The following DOP1B variants were observed in gnomAD, a reference collection of about 807,000 sequenced individuals.
DOP1B encodes DOP1 leucine zipper like protein B.
In DOP1B, 174 loss-of-function variants were observed where a neutral mutation model predicts 233.5. The observed-to-expected ratio is 0.75, with a 90% CI of 0.66 to 0.85. DOP1B has a LOEUF of 0.85. Among genes scored for constraint, DOP1B ranks in the 40% least tolerant of loss-of-function variants. The probability of loss-of-function intolerance (pLI) is 0.00; values close to 1 mark genes in which losing one functional copy is unlikely to be tolerated. For synonymous variants in DOP1B, 1,190 were observed against 1,185.6 expected, an observed-to-expected ratio of 1.00 and a Z score of -0.08; for missense variants, 2,652 against 2,846.6, an observed-to-expected ratio of 0.93 and a Z score of 1.56.
intron 15 of DOP1B, among the ~76,000 whole-genome samples, chr21:36,237,023 G>A (rs530142060): frequency 6.6e-6 from 1 of 152,210 alleles, no homozygotes; most frequent in East Asian, 1.9e-4. Context: ...GACCTCAGGT[G>A]ATCTGCCCCA....
intron 32 of DOP1B, 23 bp downstream of exon 32, chr21:36,281,634 T>A: frequency 2.0e-6 from 3 of 1,537,408 alleles, no homozygotes; most frequent in Non-Finnish European, 2.7e-6. Context: ...TCTTAGTCTG[T>A]TTTTTGCTGC....
intron 12 of DOP1B, among the ~76,000 whole-genome samples, 182 bp from the exon 13 acceptor site, chr21:36,227,504 G>A (rs551610539): frequency 0.019 from 2,787 of 149,442 alleles, 81 homozygotes; most frequent in African/African-American, 0.062. Context: ...CCGAGATCGC[G>A]ACACTGCACT....
At chr21:36,256,409 C>T (rs1374580517) in intron 23 of DOP1B, among the ~76,000 whole-genome samples, 1 of 152,182 alleles carries the variant, frequency 6.6e-6, no homozygotes, top group African/African-American at 2.4e-5. Flanking sequence ...CCACTGCACT[C>T]CAGCCTGGGT....
At chr21:36,168,786 A>G (rs374767943) in intron 2 of DOP1B, among the ~76,000 whole-genome samples, 16 of 151,102 alleles carry the variant, frequency 1.1e-4, no homozygotes, top group African/African-American at 2.4e-4. Flanking sequence ...GCCCGCCTCA[A>G]CCTCCCAAAG....
chr21:36,262,868 G>A (rs543101702), intron 24 of DOP1B, among the ~76,000 whole-genome samples: 1 of 151,754 alleles, frequency 6.6e-6, no homozygotes, highest in Non-Finnish European at 1.5e-5. Flanking sequence ...TCCAGCCTGG[G>A]TGACAGAGCA....
intron 21 of DOP1B, among the ~76,000 whole-genome samples, chr21:36,248,814 T>C (rs1041264141): frequency 5.3e-5 from 8 of 152,266 alleles, no homozygotes; most frequent in Non-Finnish European, 8.8e-5. Context: ...TAGTTAAAAA[T>C]AAAGTCTTGG....
At chr21:36,266,229 T>C (rs150066807) in intron 26 of DOP1B, among the ~76,000 whole-genome samples, 1 of 152,116 alleles carries the variant, frequency 6.6e-6, no homozygotes, top group Non-Finnish European at 1.5e-5. Flanking sequence ...CAAGCTGGAG[T>C]GCAATGGCAC....
intron 23 of DOP1B, among the ~76,000 whole-genome samples, chr21:36,256,487 T>C (rs1370352726): frequency 1.3e-5 from 2 of 152,128 alleles, no homozygotes; most frequent in Non-Finnish European, 2.9e-5. Flanking sequence ...TTAAAAAATA[T>C]AGCTATACTT....
chr21:36,250,469 G>A (rs1166845256), intron 21 of DOP1B, among the ~76,000 whole-genome samples: 5 of 152,130 alleles, frequency 3.3e-5, no homozygotes, highest in Non-Finnish European at 5.9e-5. Flanking sequence ...CAGGAGGCCT[G>A]GCCTGACCTG....
chr21:36,257,215 G>A (rs2067108900), intron 23 of DOP1B, among the ~76,000 whole-genome samples: 1 of 152,160 alleles, frequency 6.6e-6, no homozygotes, highest in African/African-American at 2.4e-5. Context: ...GCCCTCCGTG[G>A]GCACAGAACC....
intron 9 of DOP1B, among the ~76,000 whole-genome samples, chr21:36,215,140 G>A (rs1450596540): frequency 1.3e-5 from 2 of 152,256 alleles, no homozygotes; most frequent in East Asian, 1.9e-4. Flanking sequence ...TCCTTTTTAA[G>A]CCTATTTTTT....
intron 1 of DOP1B, among the ~76,000 whole-genome samples, chr21:36,162,744 G>A (rs2065879518): frequency 6.6e-6 from 1 of 151,796 alleles, no homozygotes; most frequent in Non-Finnish European, 1.5e-5. Flanking sequence ...GGGTTTTCAC[G>A]ATGTTGGCCA....
chr21:36,227,156 C>T (rs541203265), intron 12 of DOP1B, among the ~76,000 whole-genome samples: 25 of 148,638 alleles, frequency 1.7e-4, no homozygotes, highest in Non-Finnish European at 2.2e-4. Flanking sequence ...TGCAGTGAGC[C>T]GAGATCACAC....
chr21:36,203,934 G>C (rs1008299529), intron 4 of DOP1B, among the ~76,000 whole-genome samples: 1 of 150,854 alleles, frequency 6.6e-6, no homozygotes, highest in Non-Finnish European at 1.5e-5. Context: ...GCTGTACTAA[G>C]AAAACAAGAT....
rs1004594219 is a variant in DOP1B, at chr21:36,260,673, T to G, written c.5260-4T>G. On this transcript the variant is annotated splice_polypyrimidine_tract_variant and splice_region_variant and intron_variant, in intron 23 of 36. Transcript: ENST00000691173. ...GGAGTAATTGGTTTTACTTTCATTTTCAGAAATCGCCCCTAGTGGACATTC... is the reference window on the plus strand; with the variant it reads ...GGAGTAATTGGTTTTACTTTCATTTGCAGAAATCGCCCCTAGTGGACATTC... 5 of 1,613,912 alleles carry G rather than the reference T, an allele frequency of 3.1e-6. No homozygotes were observed. In the African/African-American group the frequency reaches 6.7e-5, roughly 22 times the overall value.
chr21:36,187,404 C>T (rs2066176987), intron 2 of DOP1B, among the ~76,000 whole-genome samples: 1 of 150,848 alleles, frequency 6.6e-6, no homozygotes, highest in Non-Finnish European at 1.5e-5. Flanking sequence ...AAGTGATTCT[C>T]CTGCCTGAGC....
intron 2 of DOP1B, among the ~76,000 whole-genome samples, chr21:36,190,335 A>T (rs184068071): frequency 1.1e-4 from 16 of 151,916 alleles, no homozygotes; most frequent in Non-Finnish European, 1.6e-4. Context: ...CTAAATAAAT[A>T]AATTAATTAA....
chr21:36,219,600 G>A, intron 10 of DOP1B, 108 bp downstream of exon 10: 5 of 1,467,060 alleles, frequency 3.4e-6, no homozygotes, highest in Non-Finnish European at 2.8e-6. Flanking sequence ...AGAAAGCAGA[G>A]ATGCAGCAGG....
chr21:36,279,850 C>T (rs189049087), intron 30 of DOP1B, among the ~76,000 whole-genome samples: 73 of 152,282 alleles, frequency 4.8e-4, no homozygotes, highest in African/African-American at 1.7e-3. Flanking sequence ...ATTTCTATCA[C>T]TAACCTCTTT....
Sources: gnomAD v4.1 joint callset for allele counts (sites outside exome capture counted in the v4.1 genomes callset) on GRCh38, gnomAD v4.1.1 for gene constraint, MANE v1.5 for transcripts, NCBI Gene and HGNC (gene_info 2026-07-23, HGNC 2026-07-21) for gene names.